EFCAB8: variants seen among roughly 807,000 people sequenced by gnomAD.
The protein encoded by EFCAB8 is EF-hand calcium-binding domain-containing protein 8.
EFCAB8 carries 100 observed loss-of-function variants against 116.3 expected under a neutral mutation model. That is an observed-to-expected ratio of 0.86 (90% CI 0.73 to 1.02). The LOEUF is 1.02. EFCAB8 is among the 50% of genes least tolerant of loss of function. The probability of loss-of-function intolerance (pLI) is 0.00; values close to 1 mark genes in which losing one functional copy is unlikely to be tolerated. For synonymous variants in EFCAB8, 558 were observed against 567.9 expected (o/e 0.98, Z 0.25); for missense variants, 1,320 against 1,416.9 (o/e 0.93, Z 1.10).
intron 3 of EFCAB8, among the ~76,000 whole-genome samples, chr20:32,868,256 C>T (rs901440501): frequency 5.9e-5 from 9 of 152,100 alleles, no homozygotes; most frequent in African/African-American, 2.2e-4. Flanking sequence ...GAGACGAGGT[C>T]TTGCTATGTT....
Position 32,959,832 on chromosome 20 carries a change from G to A in EFCAB8, c.3144G>A (p.Ala1048=), listed in dbSNP as rs370399392. 292 of 1,543,534 alleles carry A rather than the reference G, an allele frequency of 1.9e-4. 1 individual carries two copies. In the African/African-American group the frequency reaches 3.4e-3, roughly 18 times the overall value. The change falls in exon 25 of 27, where the codon GCG becomes GCA. Residue 1048 remains alanine, a synonymous_variant. Transcript: ENST00000400522. Reference sequence around the variant, plus strand: ...TATACCAGCGGCGAGAGCAGGCGGCGCTGATGGCTCTCCTGCATGGGAAGG... The same window carrying A: ...TATACCAGCGGCGAGAGCAGGCGGCACTGATGGCTCTCCTGCATGGGAAGG... ...ALIYQRREQA[A]LMALLHGKAD...
intron 11 of EFCAB8, among the ~76,000 whole-genome samples, chr20:32,905,039 C>T (rs1284526996): frequency 1.3e-5 from 2 of 152,140 alleles, no homozygotes; most frequent in African/African-American, 2.4e-5. Flanking sequence ...GTGAGGGCTG[C>T]AGGGCCCTGG....
intron 23 of EFCAB8, among the ~76,000 whole-genome samples, chr20:32,944,585 G>A (rs1988524698): frequency 6.6e-6 from 1 of 152,058 alleles, no homozygotes; most frequent in Non-Finnish European, 1.5e-5. Context: ...ATGCTTTCAT[G>A]TTCCTGCCTA....
intron 22 of EFCAB8, among the ~76,000 whole-genome samples, chr20:32,934,342 C>T (rs778950257): frequency 2.0e-5 from 3 of 152,004 alleles, no homozygotes; most frequent in Non-Finnish European, 4.4e-5. Flanking sequence ...TTTGCATTAT[C>T]CATTCATCCA....
Position 32,931,270 on chromosome 20 carries a change from CCG to C in EFCAB8, c.2725_2726del (p.Arg909ValfsTer20). 9 of 1,551,644 alleles carry C rather than the reference CCG, an allele frequency of 5.8e-6. No homozygotes were observed. Among genetic ancestry groups the C allele is most frequent in the Non-Finnish European group, 7.0e-6 (8 of 1,146,946 alleles). ...TTGTCTCTGAAGCACACAACAAGTT[CCG>C]GTTGTTAATTCCTCAGCAACTTGGG... ...KVVSEAHNKF[R>X]LLIPQQLGTN... On this transcript the variant is annotated frameshift_variant, in exon 22 of 27. Transcript: ENST00000400522. LOFTEE classifies it high-confidence loss of function.
rs1020246855 is a variant in EFCAB8, at chr20:32,936,795, G to A, written c.2790+5459G>A. On this transcript the variant is annotated intron_variant, in intron 22 of 26. Transcript: ENST00000400522. ...CTCAAGATTGTTTTGGCTAGCCAGG[G>A]TCTTTTATGATTGCATATGAATTTA... Among the ~76,000 whole-genome samples the A allele has an allele frequency of 7.9e-5, 12 of 152,068 alleles. No individual in the cohort carries two copies. In the South Asian group the frequency reaches 2.1e-3, roughly 26 times the overall value.
intron 4 of EFCAB8, among the ~76,000 whole-genome samples, chr20:32,878,268 A>G (rs1350835069): frequency 6.6e-6 from 1 of 151,822 alleles, no homozygotes; most frequent in African/African-American, 2.4e-5. Flanking sequence ...CCTGTCCCAA[A>G]AGGAAAAAAA....
rs6058961 is a variant in EFCAB8 at position 32,930,492 on chromosome 20, A to G, written c.2507A>G (p.Glu836Gly). ...TACATCTACGCCTGGTCCCTCCATG[A>G]GAATGGAGGCCTGCTGGGGAAGTTC... is the stretch of plus-strand genomic sequence containing the variant. Reference protein sequence around the residue: ...DGYIYAWSLHENGGLLGKFPV... With the variant: ...DGYIYAWSLHGNGGLLGKFPV... The change falls in exon 21 of 27, where the codon GAG becomes GGG. Residue 836 changes from glutamate to glycine, a missense_variant. Glu to Gly is a moderately conservative substitution (Grantham distance 98). Transcript: ENST00000400522. 0.24 allele frequency: 374,305 copies of G among 1,551,814 alleles called. 47,908 individuals carry two copies. Among genetic ancestry groups the G allele is most frequent in the Non-Finnish European group, 0.26 (295,793 of 1,146,972 alleles).
chr20:32,905,528 C>T (rs1359823348), intron 11 of EFCAB8, among the ~76,000 whole-genome samples: 1 of 151,976 alleles, frequency 6.6e-6, no homozygotes. Flanking sequence ...TTTGGGAGGC[C>T]ATGGGTGGCT....
At chr20:32,884,059 A>G (rs1207369994) in intron 5 of EFCAB8, among the ~76,000 whole-genome samples, 1 of 152,154 alleles carries the variant, frequency 6.6e-6, no homozygotes, top group Non-Finnish European at 1.5e-5. Flanking sequence ...TCTTTGGGCC[A>G]TTTAGATCTC....
chr20:32,961,845 G>C lies in EFCAB8; in HGVS notation c.*236G>C, dbSNP rs1989167340. 6.6e-6 allele frequency among the ~76,000 whole-genome samples: 1 copy of C among 152,244 alleles called. No individual in the cohort carries two copies. Among genetic ancestry groups the C allele is most frequent in the Middle Eastern group, 3.2e-3 (1 of 316 alleles). Reference sequence around the variant, plus strand: ...GCTGTGGGCATCCACAGGTGATGAGGTTGGGCTGTGTGTTCCTTGCCCCCT... The same window carrying C: ...GCTGTGGGCATCCACAGGTGATGAGCTTGGGCTGTGTGTTCCTTGCCCCCT... On this transcript the variant is annotated 3_prime_UTR_variant, in exon 27 of 27. Transcript: ENST00000400522.
At position 32,961,511 on chromosome 20, in the gene EFCAB8, A is replaced by T; in HGVS notation, c.3769A>T (p.Thr1257Ser). The T allele has an allele frequency of 7.0e-7, 1 of 1,420,782 alleles. No homozygotes were observed. The highest frequency in any genetic ancestry group is 9.2e-7 in the Non-Finnish European group (1 of 1,083,956). 88.0% of individuals were successfully genotyped at this position (1,420,782 alleles called of 1,614,324 possible). A position where few individuals can be genotyped will look rare whatever the true frequency, so the allele number is the denominator to read the frequency against. Residue 1257 changes from threonine (T) to serine (S), a missense_variant, in exon 27 of 27, where the codon ACC (threonine) becomes TCC (serine). Physicochemically the swap from Thr to Ser is moderately conservative, Grantham distance 58. Coordinates refer to ENST00000400522, the MANE Select transcript of EFCAB8 (RefSeq NM_001143967.2). ...VSKSTLQGSV[T>S]PKHIVSSFER... The stretch of plus-strand genomic sequence containing the variant: ...CAAGTCCACCCTGCAGGGGTCAGTG[A>T]CCCCCAAGCACATTGTCTCCTCCTT...
intron 17 of EFCAB8, among the ~76,000 whole-genome samples, chr20:32,915,253 T>A (rs1465406906): frequency 3.3e-5 from 5 of 152,324 alleles, no homozygotes; most frequent in South Asian, 2.1e-4. Flanking sequence ...TGTCTCTTGT[T>A]GCATTTTATT....
chr20:32,898,380 A>G (rs575712066), intron 10 of EFCAB8, 113 bp from the exon 11 acceptor site: 10 of 626,272 alleles, frequency 1.6e-5, no homozygotes, highest in Non-Finnish European at 2.7e-5. Context: ...GAAGGGCATT[A>G]GACTCCGTGA....
At position 32,959,857 on chromosome 20, in the gene EFCAB8, G is replaced by A. The variant is rs1485279111; in HGVS notation, c.3169G>A (p.Ala1057Thr). 4.4e-5 allele frequency: 68 copies of A among 1,550,128 alleles called. No homozygotes were observed. The highest frequency in any genetic ancestry group is 5.7e-5 in the Non-Finnish European group (65 of 1,146,142). The change falls in exon 25 of 27, where the codon GCA becomes ACA. Residue 1057 changes from alanine (A) to threonine (T), a missense_variant. Physicochemically the swap from Ala to Thr is moderately conservative, Grantham distance 58 (BLOSUM62 0). Transcript: ENST00000400522. ...GCTGATGGCTCTCCTGCATGGGAAG[G>A]CAGATAAGGAGGCAGACACTTGGGC... ...AALMALLHGKADKEADTWAKL... is the reference protein window; with the variant it reads ...AALMALLHGKTDKEADTWAKL...
intron 12 of EFCAB8, 98 bp from the exon 13 acceptor site, chr20:32,906,745 C>G (rs1986692308): frequency 1.4e-6 from 1 of 738,468 alleles, no homozygotes; most frequent in Non-Finnish European, 2.5e-6. Context: ...GGCTTCCTCT[C>G]CTGCTGCTCT....
At chr20:32,950,533 T>G (rs573417246) in intron 23 of EFCAB8, among the ~76,000 whole-genome samples, 6 of 152,168 alleles carry the variant, frequency 3.9e-5, no homozygotes, top group African/African-American at 1.4e-4. Flanking sequence ...GACTAAGAGT[T>G]TTTAAGGATT....
At chr20:32,908,207 G>A (rs866021737) in intron 13 of EFCAB8, 68 bp from the exon 14 acceptor site, 26 of 1,244,408 alleles carry the variant, frequency 2.1e-5, no homozygotes, top group African/African-American at 1.4e-4. Context: ...AGGCACCCCC[G>A]AGGCTTCAGG....
At chr20:32,925,141 G>A (rs1483448311) in intron 20 of EFCAB8, among the ~76,000 whole-genome samples, 2 of 152,182 alleles carry the variant, frequency 1.3e-5, no homozygotes, top group Non-Finnish European at 2.9e-5. Context: ...GTGAGGCATG[G>A]CAGAAAGAGC....
Sources: gnomAD v4.1 joint callset for allele counts (sites outside exome capture counted in the v4.1 genomes callset) on GRCh38, gnomAD v4.1.1 for gene constraint, MANE v1.5 for transcripts, NCBI Gene and HGNC (gene_info 2026-07-23, HGNC 2026-07-21) for gene names.